Variants in SGCD observed in about 807,000 individuals in gnomAD.
SGCD encodes the protein delta-sarcoglycan.
A neutral mutation model predicts 36.6 loss-of-function variants in SGCD; 18 were observed. The ratio of observed to expected loss-of-function variants is 0.49; its 90% CI spans 0.34 to 0.73. The LOEUF is 0.73. Ranked by LOEUF, SGCD falls within the 30% of genes least tolerant of loss-of-function variation. SGCD has a pLI of 0.01. For synonymous variants in SGCD, 133 were observed against 130.6 expected, an observed-to-expected ratio of 1.02 and a Z score of -0.12; for missense variants, 387 against 346.7, an observed-to-expected ratio of 1.12 and a Z score of -0.92.
chr5:156,721,614 T>C (rs1755504172), intron 7 of SGCD, among the ~76,000 whole-genome samples: 2 of 152,176 alleles, frequency 1.3e-5, no homozygotes, highest in South Asian at 2.1e-4. Flanking sequence ...ATGGATCTAA[T>C]GGAGCACATC....
At position 156,051,667 on chromosome 5, in the gene SGCD, G is replaced by A. The variant is rs1759918969; in HGVS notation, c.-281-66211G>A. 2.7e-5 allele frequency among the ~76,000 whole-genome samples: 4 copies of A among 146,314 alleles called. 1 individual carries two copies. In the South Asian group the frequency reaches 8.7e-4, roughly 32 times the overall value. On this transcript the variant is annotated intron_variant, in intron 1 of 9. Transcript: ENST00000517913. ...TGTGTGAAACATATAAACTAGAGGG[G>A]AAGGCAGACAGAAAAAGTAAAAAAC...
intron 2 of SGCD, among the ~76,000 whole-genome samples, chr5:156,122,494 G>A (rs1762065702): frequency 6.6e-6 from 1 of 152,120 alleles, no homozygotes; most frequent in Non-Finnish European, 1.5e-5. Context: ...ACGTGAAACA[G>A]TGAGGAGAAA....
chr5:156,000,151 G>A (rs1356760389), intron 1 of SGCD, among the ~76,000 whole-genome samples: 2 of 152,184 alleles, frequency 1.3e-5, no homozygotes, highest in Admixed American at 1.3e-4. Flanking sequence ...GAATAGCCCA[G>A]TCCATGTATC....
intron 3 of SGCD, among the ~76,000 whole-genome samples, chr5:156,196,304 C>G (rs1199870504): frequency 6.6e-6 from 1 of 152,116 alleles, no homozygotes; most frequent in Non-Finnish European, 1.5e-5. Flanking sequence ...CTTTGTTATT[C>G]AATTTTCATC....
At chr5:156,319,113 A>T (rs1199632626) in intron 3 of SGCD, among the ~76,000 whole-genome samples, 1 of 152,160 alleles carries the variant, frequency 6.6e-6, no homozygotes. Flanking sequence ...TATCTATTAC[A>T]TCAGCACTCC....
At chr5:155,773,388 C>A in the SGCD span, among the ~76,000 whole-genome samples, 2 of 152,058 alleles carry the variant, frequency 1.3e-5, no homozygotes, top group Admixed American at 1.3e-4. Flanking sequence ...CTATATTGGC[C>A]AGGCTGGTTT....
rs1757562024 is a variant in SGCD, at chr5:156,764,978, T to C, written c.*5588T>C. On this transcript the variant is annotated 3_prime_UTR_variant, in exon 9 of 9. Transcript: ENST00000337851. ...CACCTGTTGCAGTAGGAAGCCAGAG[T>C]GGGGTTCCAAATGCCTCATTAAGTA... The C allele has an allele frequency of 6.6e-6, 1 of 152,048 alleles. No individual in the cohort carries two copies. 9.4% of individuals were successfully genotyped at this position (152,048 alleles called of 1,614,324 possible).
At chr5:155,971,501 A>G (rs757165513) in intron 1 of SGCD, among the ~76,000 whole-genome samples, 1 of 152,120 alleles carries the variant, frequency 6.6e-6, no homozygotes, top group Non-Finnish European at 1.5e-5. Context: ...TATAATTTCC[A>G]GGAATTGAAA....
intron 1 of SGCD, among the ~76,000 whole-genome samples, chr5:156,013,938 G>A (rs1758912703): frequency 6.7e-6 from 1 of 149,032 alleles, no homozygotes; most frequent in African/African-American, 2.5e-5. Context: ...GTGTTTATTT[G>A]TTCATGCTTT....
chr5:156,343,054 T>A (rs921503173), intron 2 of SGCD, among the ~76,000 whole-genome samples: 2 of 152,116 alleles, frequency 1.3e-5, no homozygotes, highest in East Asian at 3.9e-4. Context: ...CTAACGGCCA[T>A]GAGTTCTCTA....
chr5:156,718,599 G>A (rs1300804896), intron 7 of SGCD, among the ~76,000 whole-genome samples: 1 of 151,822 alleles, frequency 6.6e-6, no homozygotes, highest in African/African-American at 2.4e-5. Context: ...GGGCAACATA[G>A]CAAGACCCAG....
intron 3 of SGCD, among the ~76,000 whole-genome samples, chr5:156,287,418 A>G (rs1437176922): frequency 6.6e-6 from 1 of 152,156 alleles, no homozygotes; most frequent in African/African-American, 2.4e-5. Context: ...AGAAAGGCGC[A>G]TGAAACCGAA....
At chr5:156,613,727 C>T (rs1041082072) in intron 6 of SGCD, among the ~76,000 whole-genome samples, 5 of 152,182 alleles carry the variant, frequency 3.3e-5, no homozygotes, top group South Asian at 2.1e-4. Flanking sequence ...GATTCCTATG[C>T]GAACCACTGA....
rs1757497542 is a variant in SGCD at position 156,761,406 on chromosome 5, AAGGTCT to A, written c.*2018_*2023del. On this transcript the variant is annotated 3_prime_UTR_variant, in exon 9 of 9. Transcript: ENST00000337851. Reference sequence around the variant, plus strand: ...CCGTGATTGGTTGGTTTGTAGCACTAAGGTCTAAAAAGGAAAACCATAAAAGACATC... The same window carrying A: ...CCGTGATTGGTTGGTTTGTAGCACTAAAAAAGGAAAACCATAAAAGACATC... The A allele has an allele frequency of 6.6e-6, 1 of 152,204 alleles. No individual in the cohort carries two copies. The highest frequency in any genetic ancestry group is 2.4e-5 in the African/African-American group (1 of 41,444). 9.4% of individuals were successfully genotyped at this position (152,204 alleles called of 1,614,324 possible).
chr5:156,252,320 AC>A (rs1454224857), intron 3 of SGCD, among the ~76,000 whole-genome samples: 1 of 150,464 alleles, frequency 6.6e-6, no homozygotes, highest in Non-Finnish European at 1.5e-5. Flanking sequence ...CAGGTGATCC[AC>A]CCACCTCGGC....
chr5:156,581,897 C>T (rs1760277580), intron 4 of SGCD, among the ~76,000 whole-genome samples: 1 of 152,146 alleles, frequency 6.6e-6, no homozygotes, highest in Non-Finnish European at 1.5e-5. Context: ...CGATGCCCTG[C>T]CCTGCTTCAG....
At chr5:156,677,769 T>C (rs32079) in intron 7 of SGCD, among the ~76,000 whole-genome samples, 150,767 of 152,264 alleles carry the variant, frequency 0.99, 74,646 homozygotes, top group Middle Eastern at 1. Context: ...ACCCTACCAC[T>C]ATGCAAAAGG....
At chr5:156,091,472 A>G (rs1761241681) in intron 1 of SGCD, among the ~76,000 whole-genome samples, 1 of 152,148 alleles carries the variant, frequency 6.6e-6, no homozygotes, top group African/African-American at 2.4e-5. Context: ...ATGAGTTTCT[A>G]TTAACCTGTC....
chr5:156,692,235 A>G (rs1300521598), intron 7 of SGCD, among the ~76,000 whole-genome samples: 1 of 152,246 alleles, frequency 6.6e-6, no homozygotes. Flanking sequence ...GACAATGAGA[A>G]TGAAGAGTTT....
Sources: gnomAD v4.1 joint callset for allele counts (sites outside exome capture counted in the v4.1 genomes callset) on GRCh38, gnomAD v4.1.1 for gene constraint, MANE v1.5 for transcripts, NCBI Gene and HGNC (gene_info 2026-07-23, HGNC 2026-07-21) for gene names.